CLVS1: variants seen among roughly 807,000 people sequenced by gnomAD.
CLVS1 encodes the protein clavesin 1.
CLVS1 carries 10 observed loss-of-function variants against 33.1 expected under a neutral mutation model. That is an observed-to-expected ratio of 0.30 (90% CI 0.19 to 0.51). The LOEUF (loss-of-function observed/expected upper bound fraction) is 0.51, where lower values mean the gene tolerates loss of function less well. Ranked by LOEUF, CLVS1 falls within the 20% of genes least tolerant of loss-of-function variation. The pLI is 0.97. For synonymous variants in CLVS1, 163 were observed against 166.1 expected (o/e 0.98, Z 0.14); for missense variants, 343 against 433.4 (o/e 0.79, Z 1.85).
intron 2 of CLVS1, among the ~76,000 whole-genome samples, chr8:61,177,001 G>A (rs1015661759): frequency 6.6e-6 from 1 of 151,334 alleles, no homozygotes; most frequent in Non-Finnish European, 1.5e-5. Flanking sequence ...AGCCATCTGA[G>A]TTCCTTGCGG....
At chr8:61,411,719 G>A (rs1815232920) in intron 3 of CLVS1, among the ~76,000 whole-genome samples, 1 of 152,154 alleles carries the variant, frequency 6.6e-6, no homozygotes, top group Non-Finnish European at 1.5e-5. Flanking sequence ...ATGAGCCCTG[G>A]CCTTTCATCC....
At chr8:61,107,877 T>A (rs1331851662) in intron 1 of CLVS1, among the ~76,000 whole-genome samples, 1 of 152,246 alleles carries the variant, frequency 6.6e-6, no homozygotes, top group Non-Finnish European at 1.5e-5. Flanking sequence ...TTTTATGTTC[T>A]CTGGTTATTT....
At chr8:61,343,265 A>G (rs894156417) in intron 2 of CLVS1, among the ~76,000 whole-genome samples, 2 of 152,200 alleles carry the variant, frequency 1.3e-5, no homozygotes, top group Admixed American at 1.3e-4. Context: ...ATAAAAATAT[A>G]TGGGGATGTT....
intron 3 of CLVS1, among the ~76,000 whole-genome samples, chr8:61,445,499 C>T (rs1301035226): frequency 6.6e-6 from 1 of 152,164 alleles, no homozygotes; most frequent in African/African-American, 2.4e-5. Flanking sequence ...ATACCTGCTC[C>T]CCTTCACCTT....
In CLVS1 at chr8:61,084,989, C is replaced by T. The variant is rs150908962; in HGVS notation, c.-243+27759C>T. 3.5e-3 allele frequency among the ~76,000 whole-genome samples: 539 copies of T among 152,152 alleles called. 2 individuals carry two copies. The highest frequency in any genetic ancestry group is 0.014 in the Middle Eastern group (4 of 294). On this transcript the variant is annotated intron_variant, in intron 1 of 2. Coordinates refer to the CLVS1 transcript ENST00000522621. ...TAGTACAAAAATTGGTATGTCAATA[C>T]CAGGAAAATGTTTTGCCAGGAAAGG...
chr8:61,009,135 T>A, the CLVS1 span, among the ~76,000 whole-genome samples: 1 of 152,184 alleles, frequency 6.6e-6, no homozygotes, highest in East Asian at 1.9e-4. Context: ...TCTATTGTGC[T>A]CTTGCCAGCA....
the CLVS1 span, among the ~76,000 whole-genome samples, chr8:61,047,612 A>G: frequency 6.6e-6 from 1 of 152,370 alleles, no homozygotes; most frequent in African/African-American, 2.4e-5. Context: ...CTATGCAGCC[A>G]TAAAAAATGA....
At chr8:61,087,865 C>A (rs1424887076) in intron 1 of CLVS1, among the ~76,000 whole-genome samples, 1 of 152,138 alleles carries the variant, frequency 6.6e-6, no homozygotes, top group Non-Finnish European at 1.5e-5. Context: ...CCCCATGAAT[C>A]CACCATTTGA....
intron 2 of CLVS1, among the ~76,000 whole-genome samples, chr8:61,273,065 C>T (rs1455808391): frequency 6.6e-6 from 1 of 151,010 alleles, no homozygotes; most frequent in Non-Finnish European, 1.5e-5. Context: ...AGCAGAGGCG[C>T]TCTGCTTTTT....
At position 61,500,629 on chromosome 8, in the gene CLVS1, T is replaced by A. The variant is rs1325348849; in HGVS notation, c.*1087T>A. The A allele has an allele frequency of 1.4e-5, 2 of 138,484 alleles. No homozygotes were observed. Among genetic ancestry groups the A allele is most frequent in the East Asian group, 2.4e-4 (1 of 4,120 alleles). The allele number at this position is 138,484 out of a possible 1,614,324, so 8.6% of individuals were successfully genotyped here. A position where few individuals can be genotyped will look rare whatever the true frequency, so the allele number is the denominator to read the frequency against. On this transcript the variant is annotated 3_prime_UTR_variant, in exon 6 of 6. Coordinates refer to ENST00000325897, the MANE Select transcript of CLVS1 (RefSeq NM_173519.3). ...TCCCCAACTACTCATTCAAAAGAAA[T>A]CAGACATAAAATAAACAGACATCAT... is the stretch of plus-strand genomic sequence containing the variant.
At chr8:61,448,051 A>T (rs555832174) in intron 3 of CLVS1, among the ~76,000 whole-genome samples, 2 of 152,146 alleles carry the variant, frequency 1.3e-5, no homozygotes, top group East Asian at 3.9e-4. Flanking sequence ...CCTTTTTTTC[A>T]GTACCTGAAA....
chr8:61,157,995 G>T (rs540477111), intron 2 of CLVS1, among the ~76,000 whole-genome samples: 2 of 152,122 alleles, frequency 1.3e-5, no homozygotes, highest in East Asian at 1.9e-4. Flanking sequence ...TATCCAAGAA[G>T]AATGAAAACA....
the CLVS1 span, among the ~76,000 whole-genome samples, chr8:61,024,057 T>G: frequency 6.6e-6 from 1 of 152,166 alleles, no homozygotes; most frequent in African/African-American, 2.4e-5. Context: ...CTTTCTCTGC[T>G]CTCGCACATT....
intron 2 of CLVS1, among the ~76,000 whole-genome samples, chr8:61,367,926 T>G (rs1813279308): frequency 6.6e-6 from 1 of 152,238 alleles, no homozygotes; most frequent in African/African-American, 2.4e-5. Flanking sequence ...AAATGCCTCC[T>G]GACTCCTTAT....
At chr8:61,215,004 G>C (rs1217137440) in intron 2 of CLVS1, among the ~76,000 whole-genome samples, 1 of 152,174 alleles carries the variant, frequency 6.6e-6, no homozygotes, top group African/African-American at 2.4e-5. Context: ...TGTTTTAGCT[G>C]TAATTCCTAT....
chr8:61,248,164 A>G (rs1212695867), intron 2 of CLVS1, among the ~76,000 whole-genome samples: 1 of 152,164 alleles, frequency 6.6e-6, no homozygotes, highest in African/African-American at 2.4e-5. Flanking sequence ...TGGTATTAGT[A>G]CCATGCTGTT....
At chr8:61,237,195 C>T (rs1473920434) in intron 2 of CLVS1, among the ~76,000 whole-genome samples, 5 of 152,166 alleles carry the variant, frequency 3.3e-5, no homozygotes, top group African/African-American at 1.2e-4. Flanking sequence ...CTATTTTCAG[C>T]ATAGCTGGCC....
At chr8:61,210,943 A>T (rs937263949) in intron 2 of CLVS1, among the ~76,000 whole-genome samples, 1 of 151,986 alleles carries the variant, frequency 6.6e-6, no homozygotes, top group Admixed American at 6.6e-5. Context: ...AGAGAGGGAG[A>T]CTTCCTACCA....
At chr8:61,361,686 C>T (rs1023772695) in intron 2 of CLVS1, among the ~76,000 whole-genome samples, 1 of 152,184 alleles carries the variant, frequency 6.6e-6, no homozygotes. Context: ...TTTATCTCAT[C>T]CACCATGTTT....
Sources: gnomAD v4.1 joint callset for allele counts (sites outside exome capture counted in the v4.1 genomes callset) on GRCh38, gnomAD v4.1.1 for gene constraint, MANE v1.5 for transcripts, NCBI Gene and HGNC (gene_info 2026-07-23, HGNC 2026-07-21) for gene names.